Variants in GUCY1A2 observed in about 807,000 individuals in gnomAD.
GUCY1A2 encodes guanylate cyclase 1 soluble subunit alpha 2, also known as guanylate cyclase soluble subunit alpha-2.
Under a neutral mutation model 63.5 loss-of-function variants are expected in GUCY1A2, and 27 were observed. That is an observed-to-expected ratio of 0.43 (90% CI 0.31 to 0.59). GUCY1A2 has a LOEUF of 0.59. GUCY1A2 is among the 20% of genes least tolerant of loss of function. The probability of loss-of-function intolerance (pLI) is 0.11; values close to 1 mark genes in which losing one functional copy is unlikely to be tolerated. For synonymous variants in GUCY1A2, 364 were observed against 343.5 expected (o/e 1.06, Z -0.66); for missense variants, 768 against 913.3 (o/e 0.84, Z 2.05).
chr11:106,904,017 A>G (rs1285786411), intron 4 of GUCY1A2, among the ~76,000 whole-genome samples: 4 of 152,170 alleles, frequency 2.6e-5, no homozygotes, highest in Non-Finnish European at 5.9e-5. Context: ...CTGCTTCACT[A>G]AACAGAAAGC....
chr11:107,011,662 G>C (rs1861748088), intron 1 of GUCY1A2, among the ~76,000 whole-genome samples: 1 of 147,182 alleles, frequency 6.8e-6, no homozygotes, highest in Non-Finnish European at 1.5e-5. Flanking sequence ...CAGAGTGTCT[G>C]ACTTCTACTT....
At chr11:106,690,316 C>T (rs114413159) in intron 7 of GUCY1A2, among the ~76,000 whole-genome samples, 2,398 of 151,286 alleles carry the variant, frequency 0.016, 45 homozygotes, top group African/African-American at 0.047. Context: ...GTGGTAAATA[C>T]GGACTATGGA....
chr11:107,007,740 G>A lies in GUCY1A2; in HGVS notation c.303+10013C>T, dbSNP rs138463777. Among the ~76,000 whole-genome samples, 923 of 152,134 alleles carry A rather than the reference G, an allele frequency of 6.1e-3. 6 individuals are homozygous for A. The highest frequency in any genetic ancestry group is 0.027 in the Middle Eastern group (8 of 294). ...CACTATCCCTCCCTGTGCCACTATT[G>A]TGTCCACTAATGATTATTGTAAGAT... On this transcript the variant is annotated intron_variant, in intron 1 of 7. Transcript: ENST00000526355.
chr11:106,944,889 T>C (rs574665246), intron 3 of GUCY1A2, among the ~76,000 whole-genome samples: 2 of 152,280 alleles, frequency 1.3e-5, no homozygotes, highest in Non-Finnish European at 1.5e-5. Context: ...AAATAGCAGA[T>C]AGTCCCTTGT....
chr11:106,827,668 T>A lies in GUCY1A2; in HGVS notation c.1207-17190A>T, dbSNP rs1362132725. On this transcript the variant is annotated intron_variant, in intron 4 of 7. Transcript: ENST00000526355. ...ATAACCTTGATGTTGGGAAAGCGTT[T>A]TTCTAACATGGTACTTGATTGTTCT... 7.7e-6 allele frequency: 12 copies of A among 1,550,510 alleles called. 1 individual carries two copies. The Admixed American group carries it at 8.3e-5, about 11-fold the overall frequency.
intron 4 of GUCY1A2, among the ~76,000 whole-genome samples, chr11:106,871,137 C>T (rs1401720435): frequency 1.3e-5 from 2 of 152,156 alleles, no homozygotes; most frequent in African/African-American, 4.8e-5. Flanking sequence ...TTTGTATAAA[C>T]TTAGAGGAAC....
At chr11:106,698,179 G>C (rs1862755439) in intron 7 of GUCY1A2, among the ~76,000 whole-genome samples, 1 of 136,078 alleles carries the variant, frequency 7.3e-6, no homozygotes, top group South Asian at 2.3e-4. Context: ...GAGTGCAGTG[G>C]TGTGATCACG....
chr11:106,706,761 A>T (rs546979332), intron 7 of GUCY1A2, among the ~76,000 whole-genome samples: 22 of 152,126 alleles, frequency 1.4e-4, no homozygotes, highest in African/African-American at 5.3e-4. Context: ...AATAAATGGA[A>T]CCATGTAATA....
At position 106,969,128 on chromosome 11, in the gene GUCY1A2, C is replaced by T. The variant is rs144529104; in HGVS notation, c.487+9491G>A. Reference sequence around the variant, plus strand: ...CAGTGGGATCATAAGGGGAATTTACCATATATAAAATGTCTTAATTTAAGT... The same window carrying T: ...CAGTGGGATCATAAGGGGAATTTACTATATATAAAATGTCTTAATTTAAGT... On this transcript the variant is annotated intron_variant, in intron 3 of 7. Transcript: ENST00000526355. Among the ~76,000 whole-genome samples, 504 of 152,138 alleles carry T rather than the reference C, an allele frequency of 3.3e-3. 3 individuals are homozygous for T. The highest frequency in any genetic ancestry group is 0.012 in the African/African-American group (484 of 41,524).
At chr11:106,827,624 T>C (rs1858989544) in intron 4 of GUCY1A2, 2 of 1,527,124 alleles carry the variant, frequency 1.3e-6, no homozygotes, top group East Asian at 2.3e-5. Flanking sequence ...CACTCTTCAG[T>C]TGCTTTACGC....
intron 7 of GUCY1A2, 122 bp from the exon 8 acceptor site, chr11:106,687,878 T>G: frequency 3.1e-6 from 2 of 648,468 alleles, no homozygotes; most frequent in Non-Finnish European, 5.5e-6. Flanking sequence ...TCTATTTCTT[T>G]GTATAGATGT....
chr11:106,744,198 G>A (rs561795406), intron 6 of GUCY1A2, among the ~76,000 whole-genome samples: 15 of 149,470 alleles, frequency 1.0e-4, no homozygotes, highest in Admixed American at 2.7e-4. Flanking sequence ...TAAACTTCTA[G>A]TATAGCAAAT....
In GUCY1A2 at chr11:106,939,987, A is replaced by T. The variant is rs1377368967; in HGVS notation, c.679T>A (p.Cys227Ser). The T allele has an allele frequency of 1.2e-6, 2 of 1,614,038 alleles. No homozygotes were observed. Among genetic ancestry groups the T allele is most frequent in the Non-Finnish European group, 1.7e-6 (2 of 1,179,908 alleles). Residue 227 changes from cysteine (C) to serine (S), a missense_variant, in exon 4 of 8, where the codon TGC becomes AGC. Around this residue, in one of 3 missense-constraint regions of GUCY1A2, gnomAD observed 496 missense variants for 486.9 expected, o/e 1.02. Coordinates refer to ENST00000526355, the MANE Select transcript of GUCY1A2 (RefSeq NM_000855.3). ...QATLESPSFL[C>S]KELPEGTLML... ...AGAGTACCTTCAGGGAGCTCTTTGC[A>T]TAGGAAAGATGGTGACTCCAGAGTG... is the stretch of plus-strand genomic sequence containing the variant.
intron 3 of GUCY1A2, among the ~76,000 whole-genome samples, chr11:106,967,889 G>A (rs1030106542): frequency 2.6e-5 from 4 of 152,168 alleles, no homozygotes; most frequent in Non-Finnish European, 4.4e-5. Flanking sequence ...ATGAATGAAA[G>A]CAGAGCACCA....
chr11:106,916,624 T>C (rs962356760), intron 4 of GUCY1A2, among the ~76,000 whole-genome samples: 2 of 145,682 alleles, frequency 1.4e-5, no homozygotes, highest in Admixed American at 1.4e-4. Context: ...TAGATATATA[T>C]GTATTTTTTT....
chr11:106,856,565 G>A (rs1465910796), intron 4 of GUCY1A2, among the ~76,000 whole-genome samples: 1 of 151,984 alleles, frequency 6.6e-6, no homozygotes, highest in Non-Finnish European at 1.5e-5. Flanking sequence ...AAATATTTCT[G>A]TAACTAGAAA....
At chr11:106,969,514 G>GGGGA (rs2120090768) in intron 3 of GUCY1A2, among the ~76,000 whole-genome samples, 1 of 152,134 alleles carries the variant, frequency 6.6e-6, no homozygotes, top group East Asian at 1.9e-4. Flanking sequence ...AAAAGGGTTG[G>GGGGA]GGGAGAAAGG....
chr11:106,848,397 C>T (rs1362174768), intron 4 of GUCY1A2, among the ~76,000 whole-genome samples: 1 of 151,580 alleles, frequency 6.6e-6, no homozygotes, highest in African/African-American at 2.4e-5. Flanking sequence ...AATTCATTCA[C>T]TCATTATACC....
At chr11:106,762,743 C>A (rs745819747) in intron 6 of GUCY1A2, among the ~76,000 whole-genome samples, 22 of 152,042 alleles carry the variant, frequency 1.4e-4, no homozygotes, top group Non-Finnish European at 2.8e-4. Context: ...CCCATTGAAA[C>A]TTTACAGTGA....
Sources: gnomAD v4.1 joint callset for allele counts (sites outside exome capture counted in the v4.1 genomes callset) on GRCh38, gnomAD v4.1.1 for gene constraint, gnomAD v4.1.1 regional missense constraint, MANE v1.5 for transcripts, NCBI Gene and HGNC (gene_info 2026-07-23, HGNC 2026-07-21) for gene names.